Variants in MGAT4A observed in about 807,000 individuals in gnomAD.
MGAT4A encodes the protein N-acetylglucosaminyltransferase IVa.
Under a neutral mutation model 74.1 loss-of-function variants are expected in MGAT4A, and 33 were observed. The ratio of observed to expected loss-of-function variants is 0.45; its 90% CI spans 0.34 to 0.60. The LOEUF is 0.60. MGAT4A is among the 20% of genes least tolerant of loss of function. The probability of loss-of-function intolerance (pLI) is 0.02; values close to 1 mark genes in which losing one functional copy is unlikely to be tolerated. For synonymous variants in MGAT4A, 198 were observed against 210.4 expected (o/e 0.94, Z 0.51); for missense variants, 479 against 628.3 (o/e 0.76, Z 2.54).
At chr2:98,719,565 C>T (rs140581648) in intron 2 of MGAT4A, among the ~76,000 whole-genome samples, 1,800 of 152,278 alleles carry the variant, frequency 0.012, 17 homozygotes, top group Middle Eastern at 0.031. Context: ...ACAACCAATA[C>T]ACCAAACGGG....
chr2:98,690,306 G>A (rs1228078737), intron 2 of MGAT4A, among the ~76,000 whole-genome samples: 1 of 152,222 alleles, frequency 6.6e-6, no homozygotes, highest in Non-Finnish European at 1.5e-5. Flanking sequence ...TCCTGGTGAG[G>A]TGTGAGTGGA....
chr2:98,631,866 T>C (rs1162027460), intron 14 of MGAT4A, among the ~76,000 whole-genome samples: 2 of 150,848 alleles, frequency 1.3e-5, no homozygotes, highest in East Asian at 4.0e-4. Flanking sequence ...ACGCCTGTAA[T>C]CCCAGCACTT....
At chr2:98,721,487 T>C (rs983252066) in intron 2 of MGAT4A, among the ~76,000 whole-genome samples, 2 of 152,184 alleles carry the variant, frequency 1.3e-5, no homozygotes, top group African/African-American at 4.8e-5. Context: ...ATATCAGTAA[T>C]ATAATTGCCA....
At chr2:98,726,207 T>G in intron 2 of MGAT4A, 32 bp downstream of exon 2, 1 of 1,579,882 alleles carries the variant, frequency 6.3e-7, no homozygotes, top group Non-Finnish European at 8.7e-7. Flanking sequence ...CCTAGTACAT[T>G]TCATGCACAT....
At position 98,639,840 on chromosome 2, in the gene MGAT4A, C is replaced by A; in HGVS notation, c.1290G>T (p.Leu430Phe). The A allele has an allele frequency of 1.2e-6, 2 of 1,612,716 alleles. No individual in the cohort carries two copies. Among genetic ancestry groups the A allele is most frequent in the Non-Finnish European group, 1.7e-6 (2 of 1,179,568 alleles). Residue 430 changes from leucine to phenylalanine, a missense_variant, in exon 12 of 16, where the codon TTG becomes TTT. Physicochemically the swap from Leu to Phe is conservative, Grantham distance 22 (BLOSUM62 0). Transcript: ENST00000393487. ...AITPIAGDYI[L>F]FKFDKPVNVE... ...CATTGACTGGTTTATCAAATTTAAACAAGATGTAGTCTCCAGCTATCGGTG... is the reference window on the plus strand; with the variant it reads ...CATTGACTGGTTTATCAAATTTAAAAAAGATGTAGTCTCCAGCTATCGGTG...
Position 98,619,378 on chromosome 2 carries a change from AG to A in MGAT4A, c.*6187del, listed in dbSNP as rs1701011263. Reference sequence around the variant, plus strand: ...AAGGAAAATATATACAATACATTTAAGAAAAAAAAAAATCTGGTACAACCTG... The same window carrying A: ...AAGGAAAATATATACAATACATTTAAAAAAAAAAAAATCTGGTACAACCTG... On this transcript the variant is annotated 3_prime_UTR_variant, in exon 16 of 16. Coordinates refer to ENST00000393487, the MANE Select transcript of MGAT4A (RefSeq NM_012214.3). 1 of 152,138 alleles carries A rather than the reference AG, an allele frequency of 6.6e-6. No homozygotes were observed. 9.4% of individuals were successfully genotyped at this position (152,138 alleles called of 1,614,324 possible).
Position 98,726,448 on chromosome 2 carries a change from C to A in MGAT4A, c.-116G>T. 1 of 718,860 alleles carries A rather than the reference C, an allele frequency of 1.4e-6. No individual in the cohort carries two copies. Among genetic ancestry groups the A allele is most frequent in the South Asian group, 2.0e-5 (1 of 50,364 alleles). The allele number at this position is 718,860 out of a possible 1,614,324, so 44.5% of individuals were successfully genotyped here. A position where few individuals can be genotyped will look rare whatever the true frequency, so the allele number is the denominator to read the frequency against. On this transcript the variant is annotated 5_prime_UTR_variant, in exon 2 of 16. It removes the in-frame stop codon of an upstream open reading frame in the 5' UTR. Transcript: ENST00000393487. The stretch of plus-strand genomic sequence containing the variant: ...CTCCTGGCTCTAGGCCAATAAAAAT[C>A]AATAAGAGAGGTTCATTTCAGATGA...
In MGAT4A at chr2:98,726,436, GC is replaced by G; in HGVS notation, c.-105del. ...CTGAATGCAGTACTCCTGGCTCTAG[GC>G]CAATAAAAATCAATAAGAGAGGTTC... On this transcript the variant is annotated 5_prime_UTR_variant, in exon 2 of 16. Transcript: ENST00000393487. 1.2e-6 allele frequency: 1 copy of G among 853,180 alleles called. No homozygotes were observed. Among genetic ancestry groups the G allele is most frequent in the African/African-American group, 1.7e-5 (1 of 59,062 alleles). The allele number at this position is 853,180 out of a possible 1,614,324, so 52.9% of individuals were successfully genotyped here.
At chr2:98,644,779 G>T (rs1266967631) in intron 9 of MGAT4A, among the ~76,000 whole-genome samples, 2 of 151,956 alleles carry the variant, frequency 1.3e-5, no homozygotes, top group Non-Finnish European at 2.9e-5. Context: ...GATTACAGGC[G>T]TCTGCCACCA....
intron 2 of MGAT4A, among the ~76,000 whole-genome samples, chr2:98,697,839 G>A (rs1185887269): frequency 2.6e-5 from 4 of 152,152 alleles, no homozygotes; most frequent in Non-Finnish European, 4.4e-5. Flanking sequence ...ATGTGTAACA[G>A]TACTCTTTTG....
At chr2:98,641,887 G>A (rs1701416753) in intron 10 of MGAT4A, among the ~76,000 whole-genome samples, 1 of 151,728 alleles carries the variant, frequency 6.6e-6, no homozygotes, top group African/African-American at 2.4e-5. Context: ...CAGCTACTCA[G>A]GAGGCTGAGA....
chr2:98,630,904 A>G (rs1451568249), intron 14 of MGAT4A, among the ~76,000 whole-genome samples: 3 of 152,200 alleles, frequency 2.0e-5, no homozygotes, highest in African/African-American at 7.2e-5. Context: ...TCCTTAACCC[A>G]ATGGTCTGGA....
intron 2 of MGAT4A, among the ~76,000 whole-genome samples, chr2:98,691,546 T>C (rs572266375): frequency 1.4e-4 from 22 of 152,228 alleles, no homozygotes; most frequent in Non-Finnish European, 2.9e-4. Context: ...TGTGGTGATG[T>C]TGGTGTAAAT....
At chr2:98,681,897 C>T (rs188870903) in intron 2 of MGAT4A, among the ~76,000 whole-genome samples, 67 of 152,260 alleles carry the variant, frequency 4.4e-4, no homozygotes, top group African/African-American at 1.5e-3. Flanking sequence ...AATGACAGGA[C>T]TTCTCCAAAG....
At chr2:98,699,490 G>C (rs866772353) in intron 2 of MGAT4A, among the ~76,000 whole-genome samples, 14 of 152,062 alleles carry the variant, frequency 9.2e-5, no homozygotes, top group African/African-American at 3.4e-4. Context: ...TGCACAGCAG[G>C]AATCATATTT....
At chr2:98,722,112 T>G (rs996145583) in intron 2 of MGAT4A, among the ~76,000 whole-genome samples, 2 of 152,138 alleles carry the variant, frequency 1.3e-5, no homozygotes, top group Non-Finnish European at 2.9e-5. Flanking sequence ...TTAAACATAA[T>G]AGAGTTATGA....
chr2:98,622,310 A>T lies in MGAT4A; in HGVS notation c.*3256T>A, dbSNP rs2104203496. ...GAAAAGTTCTGCATCCGTGGTGTCA[A>T]GTGTGGTGGCCACTAGCTCCACATG... On this transcript the variant is annotated 3_prime_UTR_variant, in exon 16 of 16. Coordinates refer to ENST00000393487, the MANE Select transcript of MGAT4A (RefSeq NM_012214.3). 1.0e-6 allele frequency: 1 copy of T among 985,448 alleles called. No individual in the cohort carries two copies. Among genetic ancestry groups the T allele is most frequent in the South Asian group, 4.7e-5 (1 of 21,286 alleles). 61.0% of individuals were successfully genotyped at this position (985,448 alleles called of 1,614,324 possible). A position where few individuals can be genotyped will look rare whatever the true frequency, so the allele number is the denominator to read the frequency against.
At chr2:98,676,986 T>G (rs955075318) in intron 3 of MGAT4A, among the ~76,000 whole-genome samples, 1 of 152,180 alleles carries the variant, frequency 6.6e-6, no homozygotes, top group African/African-American at 2.4e-5. Context: ...ACTTTATAAA[T>G]AAGGTGAGGC....
intron 2 of MGAT4A, among the ~76,000 whole-genome samples, chr2:98,710,210 T>C (rs1021204112): frequency 1.3e-5 from 2 of 152,000 alleles, no homozygotes; most frequent in East Asian, 1.9e-4. Flanking sequence ...AAAACCAGGA[T>C]GGGTCTGCAA....
Sources: gnomAD v4.1 joint callset for allele counts (sites outside exome capture counted in the v4.1 genomes callset) on GRCh38, gnomAD v4.1.1 for gene constraint, MANE v1.5 for transcripts, NCBI Gene and HGNC (gene_info 2026-07-23, HGNC 2026-07-21) for gene names.